MTAP: variants seen among roughly 807,000 people sequenced by gnomAD.
The protein encoded by MTAP is methylthioadenosine phosphorylase.
A neutral mutation model predicts 33.6 loss-of-function variants in MTAP; 33 were observed. The ratio of observed to expected loss-of-function variants is 0.98; its 90% CI spans 0.74 to 1.31. The LOEUF (loss-of-function observed/expected upper bound fraction) is 1.31. Among genes scored for constraint, MTAP ranks in the 40% most tolerant of loss-of-function variants. The probability of loss-of-function intolerance (pLI) is 0.00; values close to 1 mark genes in which losing one functional copy is unlikely to be tolerated. For missense variants in MTAP, 367 were observed against 360.0 expected, an observed-to-expected ratio of 1.02 and a Z score of -0.16; for synonymous variants, 148 against 125.7, an observed-to-expected ratio of 1.18 and a Z score of -1.19.
intron 1 of MTAP, chr9:21,893,991 A>G (rs1326881712): frequency 6.6e-6 from 1 of 151,824 alleles, no homozygotes; most frequent in Non-Finnish European, 1.5e-5. Flanking sequence ...CATGTATACA[A>G]AAATACTCAA....
intron 1 of MTAP, among the ~76,000 whole-genome samples, chr9:21,873,291 C>T (rs950702263): frequency 2.0e-4 from 31 of 152,112 alleles, no homozygotes; most frequent in African/African-American, 7.5e-4. Context: ...ATTTAGATGC[C>T]ACTCCTGAGG....
In MTAP at chr9:21,852,434, C is replaced by T. The variant is rs1587247458; in HGVS notation, c.451-2197C>T. Among the ~76,000 whole-genome samples the T allele has an allele frequency of 2.0e-5, 3 of 149,964 alleles. No homozygotes were observed. The East Asian group carries it at 5.9e-4, about 29-fold the overall frequency. On this transcript the variant is annotated intron_variant, in intron 5 of 7. Coordinates refer to ENST00000644715, the MANE Select transcript of MTAP (RefSeq NM_002451.4). ...GCTGAGCCAGAGAACTGCTTGAACC[C>T]GTGAGGCAGAGGTTGCAGTGAGCCA...
At position 21,910,906 on chromosome 9, in the gene MTAP, T is replaced by C. The variant is rs146885000; in HGVS notation, c.148-20102T>C. On this transcript the variant is annotated intron_variant, in intron 1 of 1. Coordinates refer to the MTAP transcript ENST00000577563. Reference sequence around the variant, plus strand: ...CACCGCCTCTAAGAAATTGCCTATTTTGAGGCTCAAAGTAAAGGGTTGGAG... The same window carrying C: ...CACCGCCTCTAAGAAATTGCCTATTCTGAGGCTCAAAGTAAAGGGTTGGAG... Among the ~76,000 whole-genome samples the C allele has an allele frequency of 3.1e-3, 475 of 151,902 alleles. 1 individual carries two copies. The highest frequency in any genetic ancestry group is 0.01 in the African/African-American group (432 of 41,502).
chr9:21,806,889 C>T (rs1015546133), intron 1 of MTAP, among the ~76,000 whole-genome samples: 4 of 152,106 alleles, frequency 2.6e-5, no homozygotes, highest in Non-Finnish European at 4.4e-5. Context: ...CTTGGCCAGG[C>T]GCGGTGGCTC....
chr9:21,837,431 T>G (rs1825138928), intron 4 of MTAP, among the ~76,000 whole-genome samples: 1 of 152,222 alleles, frequency 6.6e-6, no homozygotes, highest in Non-Finnish European at 1.5e-5. Flanking sequence ...AATTTGCATC[T>G]GCTCTGAGTC....
At chr9:21,923,851 A>T (rs1818826079) in intron 1 of MTAP, among the ~76,000 whole-genome samples, 1 of 152,142 alleles carries the variant, frequency 6.6e-6, no homozygotes, top group African/African-American at 2.4e-5. Context: ...GAATGCTGTG[A>T]GTAAGAGTCA....
At chr9:21,910,206 G>A (rs1818547905) in intron 1 of MTAP, among the ~76,000 whole-genome samples, 1 of 151,740 alleles carries the variant, frequency 6.6e-6, no homozygotes, top group African/African-American at 2.4e-5. Flanking sequence ...ACTTACAATG[G>A]GCCAGGCATT....
At chr9:21,919,668 G>A (rs1275120296) in intron 1 of MTAP, among the ~76,000 whole-genome samples, 1 of 152,210 alleles carries the variant, frequency 6.6e-6, no homozygotes, top group Non-Finnish European at 1.5e-5. Context: ...GCTGGGTAAG[G>A]AGTGGAGTGA....
At chr9:21,926,006 A>G (rs929903102) in intron 1 of MTAP, among the ~76,000 whole-genome samples, 4 of 152,160 alleles carry the variant, frequency 2.6e-5, no homozygotes, top group African/African-American at 9.7e-5. Flanking sequence ...AGAATGTCCT[A>G]CACTGCTTTT....
intron 1 of MTAP, among the ~76,000 whole-genome samples, chr9:21,887,719 G>C (rs1403424595): frequency 6.6e-6 from 1 of 152,186 alleles, no homozygotes; most frequent in Non-Finnish European, 1.5e-5. Flanking sequence ...CTAGTTTACA[G>C]TCCCACCAAC....
intron 1 of MTAP, among the ~76,000 whole-genome samples, chr9:21,807,443 C>T (rs1376169316): frequency 6.6e-6 from 1 of 152,152 alleles, no homozygotes; most frequent in Non-Finnish European, 1.5e-5. Flanking sequence ...ACCAACAAGC[C>T]TTCATTTTTT....
chr9:21,859,092 A>C lies in MTAP; in HGVS notation c.691-211A>C. 4 of 498,970 alleles carry C rather than the reference A, an allele frequency of 8.0e-6. 1 individual carries two copies. The South Asian group carries it at 1.2e-4, about 15-fold the overall frequency. 30.9% of individuals were successfully genotyped at this position (498,970 alleles called of 1,614,324 possible). On this transcript the variant is annotated intron_variant, in intron 6 of 7. Coordinates refer to ENST00000644715, the MANE Select transcript of MTAP (RefSeq NM_002451.4). ...CTGGGGCCTCTTTTGTAAGATCACT[A>C]ATCCTATCCACGAGGACTCTGCCTT...
chr9:21,861,304 G>T (rs1470194975), intron 7 of MTAP: 1 of 151,952 alleles, frequency 6.6e-6, no homozygotes, highest in Non-Finnish European at 1.5e-5. Context: ...ATTTTCAAAG[G>T]AGGATTTTAT....
At chr9:21,916,080 A>AAAGGAAGGAAGGAAGGAAGGAAGG (rs375102585) in intron 1 of MTAP, among the ~76,000 whole-genome samples, 10 of 117,046 alleles carry the variant, frequency 8.5e-5, no homozygotes, top group South Asian at 3.2e-4. Flanking sequence ...GGGAGGAAGG[A>AAAGGAAGGAAGGAAGGAAGGAAGG]AAGGAAGGAA....
At chr9:21,916,869 AC>A (rs879357976) in intron 1 of MTAP, among the ~76,000 whole-genome samples, 9 of 152,162 alleles carry the variant, frequency 5.9e-5, no homozygotes, top group Non-Finnish European at 1.2e-4. Context: ...AAGTCCCCCA[AC>A]TTGCAGTACT....
At chr9:21,827,615 G>A (rs1449984349) in intron 4 of MTAP, among the ~76,000 whole-genome samples, 1 of 152,134 alleles carries the variant, frequency 6.6e-6, no homozygotes, top group African/African-American at 2.4e-5. Context: ...TTATATATTT[G>A]TGACCTGTTT....
intron 4 of MTAP, among the ~76,000 whole-genome samples, chr9:21,822,885 G>T (rs1465821788): frequency 6.6e-6 from 1 of 152,126 alleles, no homozygotes; most frequent in Non-Finnish European, 1.5e-5. Flanking sequence ...TTATGTAATG[G>T]CCTTCTTTGT....
At chr9:21,852,711 A>G (rs1825546220) in intron 5 of MTAP, among the ~76,000 whole-genome samples, 1 of 151,886 alleles carries the variant, frequency 6.6e-6, no homozygotes, top group African/African-American at 2.4e-5. Flanking sequence ...TGAAATGAAA[A>G]AAAAAAAAAA....
At chr9:21,845,222 G>A (rs1311677808) in intron 5 of MTAP, among the ~76,000 whole-genome samples, 1 of 152,132 alleles carries the variant, frequency 6.6e-6, no homozygotes, top group East Asian at 1.9e-4. Context: ...TAAAAAATCA[G>A]TAAAGAGGAA....
Sources: gnomAD v4.1 joint callset for allele counts (sites outside exome capture counted in the v4.1 genomes callset) on GRCh38, gnomAD v4.1.1 for gene constraint, MANE v1.5 for transcripts, NCBI Gene and HGNC (gene_info 2026-07-23, HGNC 2026-07-21) for gene names.